TEP1: variants seen among roughly 807,000 people sequenced by gnomAD.
TEP1 encodes the protein telomerase associated protein 1, also known as telomerase protein component 1.
Under a neutral mutation model 306.3 loss-of-function variants are expected in TEP1, and 241 were observed. That is an observed-to-expected ratio of 0.79 (90% CI 0.71 to 0.88). TEP1 has a LOEUF of 0.88. Ranked by LOEUF, TEP1 falls within the 40% of genes least tolerant of loss-of-function variation. The pLI is 0.00. For missense variants in TEP1, 3,051 were observed against 3,276.1 expected (o/e 0.93, Z 1.68); for synonymous variants, 1,289 against 1,305.5 (o/e 0.99, Z 0.27).
intron 6 of TEP1, 105 bp downstream of exon 6, chr14:20,403,618 A>T (rs1878934456): frequency 1.3e-6 from 2 of 1,589,838 alleles, no homozygotes; most frequent in African/African-American, 1.3e-5. Flanking sequence ...CATTTCTCTG[A>T]CTCCCTTTGC....
chr14:20,377,453 A>G lies in TEP1; in HGVS notation c.5915T>C (p.Val1972Ala), dbSNP rs981048042. 15 of 1,614,026 alleles carry G rather than the reference A, an allele frequency of 9.3e-6. No individual in the cohort carries two copies. The Admixed American group carries it at 2.5e-4, about 27-fold the overall frequency. ...GGGGCTTAGCCAGGCCAGGGCGGAC[A>G]CTGCCACATCCAGTGCCTGACCCTG... ...GAQGQALDVA[V>A]SALAWLSPKV... The change falls in exon 41 of 55, where the codon GTG (valine) becomes GCG (alanine). Residue 1972 changes from valine (V) to alanine (A), a missense_variant. Transcript: ENST00000262715.
Position 20,373,771 on chromosome 14 carries a change from T to G in TEP1, c.6511A>C (p.Lys2171Gln), listed in dbSNP as rs1394351047. The change falls in exon 45 of 55, where the codon AAA (lysine) becomes CAA (glutamine). Residue 2171 changes from lysine to glutamine, a missense_variant. Physicochemically the swap from Lys to Gln is moderately conservative, Grantham distance 53 (BLOSUM62 1). Around this residue, in one of 3 missense-constraint regions of TEP1, gnomAD observed 1,540 missense variants for 1,705.9 expected, o/e 0.90. Transcript: ENST00000262715. Reference protein sequence around the residue: ...VVSVSRDGTLKVWDHQGVELT... With the variant: ...VVSVSRDGTLQVWDHQGVELT... Reference sequence around the variant, plus strand: ...TCCACGCCTTGATGGTCCCACACTTTCAAGGTCCCATCCCGGCTCACAGAC... The same window carrying G: ...TCCACGCCTTGATGGTCCCACACTTGCAAGGTCCCATCCCGGCTCACAGAC... The G allele has an allele frequency of 1.2e-6, 2 of 1,613,846 alleles. No homozygotes were observed. The highest frequency in any genetic ancestry group is 2.7e-5 in the African/African-American group (2 of 74,916).
Position 20,383,215 on chromosome 14 carries a change from G to C in TEP1, c.4006C>G (p.Leu1336Val). Residue 1336 changes from leucine to valine, a missense_variant, in exon 27 of 55, where the codon CTG becomes GTG. Leu to Val is a conservative substitution (Grantham distance 32). Coordinates refer to ENST00000262715, the MANE Select transcript of TEP1 (RefSeq NM_007110.5). ...GACTCCTCCAGCCGCTTCCCGTACAGGGCCAGCTCCTCTCTCACCAGCCGG... is the reference window on the plus strand; with the variant it reads ...GACTCCTCCAGCCGCTTCCCGTACACGGCCAGCTCCTCTCTCACCAGCCGG... ...RARLVREELALYGKRLEESPF... is the reference protein window; with the variant it reads ...RARLVREELAVYGKRLEESPF... The C allele has an allele frequency of 6.2e-7, 1 of 1,613,366 alleles. No homozygotes were observed. Among genetic ancestry groups the C allele is most frequent in the Non-Finnish European group, 8.5e-7 (1 of 1,179,752 alleles).
intron 14 of TEP1, 84 bp downstream of exon 14, chr14:20,390,854 G>A (rs872072): frequency 0.45 from 726,647 of 1,611,362 alleles, 170,397 homozygotes; most frequent in African/African-American, 0.8. Flanking sequence ...ACTGTGTATT[G>A]TCTGTGCCTT....
Position 20,378,075 on chromosome 14 carries a change from C to A in TEP1, c.5670G>T (p.Ala1890=), listed in dbSNP as rs748688616. The change falls in exon 39 of 55, where the codon GCG becomes GCT. Residue 1890 remains alanine (A), a synonymous_variant. Coordinates refer to ENST00000262715, the MANE Select transcript of TEP1 (RefSeq NM_007110.5). ...ACTGGCAACCCGCATGCAGGAAAAG[C>A]GCAGCAGCAACAAAGCCATGGTGGG... ...FPAHHGFVAA[A]LFLHAGCQLL... 6.2e-7 allele frequency: 1 copy of A among 1,613,840 alleles called. No homozygotes were observed. The highest frequency in any genetic ancestry group is 2.2e-5 in the East Asian group (1 of 44,882).
At chr14:20,411,904 G>A (rs1879706111) in intron 1 of TEP1, among the ~76,000 whole-genome samples, 1 of 151,688 alleles carries the variant, frequency 6.6e-6, no homozygotes, top group African/African-American at 2.4e-5. Flanking sequence ...CTTGAGGTCA[G>A]GAGTTCAAGA....
chr14:20,387,551 C>CAAAAAAAAAAAAAAAAAAAAAAAAAAAA (rs34816712), intron 18 of TEP1, among the ~76,000 whole-genome samples: 15 of 127,666 alleles, frequency 1.2e-4, no homozygotes, highest in Non-Finnish European at 2.2e-4. Context: ...GACTCCGTCT[C>CAAAAAAAAAAAAAAAAAAAAAAAAAAAA]AAAAAAAAAA....
At chr14:20,376,339 G>C in intron 41 of TEP1, 75 bp from the exon 42 acceptor site, 1 of 1,493,516 alleles carries the variant, frequency 6.7e-7, no homozygotes, top group Non-Finnish European at 9.1e-7. Context: ...CCAAAGACAG[G>C]AGCGGCCATG....
In TEP1 at chr14:20,373,531, G is replaced by T. The variant is rs550280804; in HGVS notation, c.6657C>A (p.Ala2219=). 6.2e-7 allele frequency: 1 copy of T among 1,614,226 alleles called. No homozygotes were observed. The highest frequency in any genetic ancestry group is 1.1e-5 in the South Asian group (1 of 91,088). Residue 2219 remains alanine, a synonymous_variant, in exon 46 of 55, where the codon GCC becomes GCA. Transcript: ENST00000262715. ...CCAAGAGTGGATGCCATAACCGTGTGGCCCCATCTAGCCCGACGGTTACCA... is the reference window on the plus strand; with the variant it reads ...CCAAGAGTGGATGCCATAACCGTGTTGCCCCATCTAGCCCGACGGTTACCA... The part of the protein sequence containing the change: ...LLVVTVGLDG[A]TRLWHPLLVC...
At chr14:20,368,650 AG>A in intron 54 of TEP1, 91 bp from the exon 55 acceptor site, 1 of 1,577,048 alleles carries the variant, frequency 6.3e-7, no homozygotes, top group Non-Finnish European at 8.7e-7. Flanking sequence ...ATTTAGAAAC[AG>A]GTTAGTCATA....
At position 20,408,002 on chromosome 14, in the gene TEP1, G is replaced by A. The variant is rs746534380; in HGVS notation, c.438C>T (p.Asn146=). The A allele has an allele frequency of 5.0e-6, 8 of 1,614,114 alleles. No individual in the cohort carries two copies. The African/African-American group carries it at 8.0e-5, about 16-fold the overall frequency. Residue 146 remains asparagine (N), a synonymous_variant, in exon 2 of 55, where the codon AAC becomes AAT. Transcript: ENST00000262715. ...GAGGCTCAGAGAGCAGGCAATTGCT[G>A]TTGTTCACACGGTACAAATCAGCTT... is the stretch of plus-strand genomic sequence containing the variant. ...MTQADLYRVN[N]SNCLLSEPPS... is the part of the protein sequence containing the mutation.
chr14:20,368,857 G>T lies in TEP1; in HGVS notation c.7702C>A (p.Leu2568Met), dbSNP rs1183044999. The T allele has an allele frequency of 6.2e-7, 1 of 1,613,796 alleles. No individual in the cohort carries two copies. Among genetic ancestry groups the T allele is most frequent in the Non-Finnish European group, 8.5e-7 (1 of 1,180,030 alleles). Residue 2568 changes from leucine (L) to methionine (M), a missense_variant, in exon 54 of 55, where the codon CTG (leucine) becomes ATG (methionine). Leu to Met is a conservative substitution (Grantham distance 15). Transcript: ENST00000262715. ...TCTCTGTCCTTCGAAGCTGTCACCA[G>T]CAACTCAGGTAGCACATGGAGGGCT... ...VTALHVLPEL[L>M]VTASKDRDVK...
At chr14:20,372,699 G>A (rs1884918190) in intron 49 of TEP1, 34 bp downstream of exon 49, 1 of 1,613,808 alleles carries the variant, frequency 6.2e-7, no homozygotes. Context: ...GGAGACTGCT[G>A]TTTCTATCCC....
intron 1 of TEP1, among the ~76,000 whole-genome samples, chr14:20,410,484 AC>A (rs1879564635): frequency 6.6e-6 from 1 of 151,758 alleles, no homozygotes; most frequent in East Asian, 1.9e-4. Flanking sequence ...GTGCAATGGC[AC>A]GATCTTGGCT....
In TEP1 at chr14:20,380,071, A is replaced by T; in HGVS notation, c.5004-18T>A. The T allele has an allele frequency of 6.2e-7, 1 of 1,606,822 alleles. No homozygotes were observed. The highest frequency in any genetic ancestry group is 2.2e-5 in the East Asian group (1 of 44,836). ...GGCTGGAGCTAGAGAAAGAGTAGGA[A>T]GAAAGGGAGGAAATAAACGAGAGAA... On this transcript the variant is annotated intron_variant, in intron 34 of 54. Transcript: ENST00000262715.
intron 1 of TEP1, among the ~76,000 whole-genome samples, chr14:20,410,020 C>CAAAAAAAAAAAAAAAAAAAAAAAAAA (rs570672845): frequency 3.4e-5 from 2 of 58,922 alleles, no homozygotes; most frequent in East Asian, 4.3e-4. Flanking sequence ...GACTCTGTCT[C>CAAAAAAAAAAAAAAAAAAAAAAAAAA]AAAAAAAAAA....
rs528397757 is a variant in TEP1 at position 20,380,531 on chromosome 14, G to A, written c.4763-56C>T. ...AGCCAGCTGGACCCCATTAGCCCCA[G>A]CACCAAATAAAACCATATGGTGTGT... On this transcript the variant is annotated intron_variant, in intron 33 of 54. Transcript: ENST00000262715. 12 of 1,557,232 alleles carry A rather than the reference G, an allele frequency of 7.7e-6. No homozygotes were observed. The Admixed American group carries it at 1.7e-4, about 22-fold the overall frequency.
intron 3 of TEP1, among the ~76,000 whole-genome samples, 157 bp from the exon 4 acceptor site, chr14:20,405,742 G>C (rs2139194491): frequency 6.6e-6 from 1 of 152,236 alleles, no homozygotes; most frequent in South Asian, 2.1e-4. Flanking sequence ...GGCCAGGCAT[G>C]GTGGCTCACA....
chr14:20,382,343 A>G lies in TEP1; in HGVS notation c.4154T>C (p.Leu1385Pro). 1 of 1,610,440 alleles carries G rather than the reference A, an allele frequency of 6.2e-7. No individual in the cohort carries two copies. The highest frequency in any genetic ancestry group is 8.5e-7 in the Non-Finnish European group (1 of 1,178,206). Residue 1385 changes from leucine (L) to proline (P), a missense_variant, in exon 29 of 55, where the codon CTC (leucine) becomes CCC (proline). Leu to Pro is a moderately conservative substitution (Grantham distance 98). Coordinates refer to ENST00000262715, the MANE Select transcript of TEP1 (RefSeq NM_007110.5). ...GGGGACAGTGGCAGGCAGGGTCCGGAGTCTCTCAGACACCTAGGATGGCGG... is the reference window on the plus strand; with the variant it reads ...GGGGACAGTGGCAGGCAGGGTCCGGGGTCTCTCAGACACCTAGGATGGCGG... Reference protein sequence around the residue: ...FTLYEQVSERLRTLPATVPLL... With the variant: ...FTLYEQVSERPRTLPATVPLL...
Sources: gnomAD v4.1 joint callset for allele counts (sites outside exome capture counted in the v4.1 genomes callset) on GRCh38, gnomAD v4.1.1 for gene constraint, gnomAD v4.1.1 regional missense constraint, MANE v1.5 for transcripts, NCBI Gene and HGNC (gene_info 2026-07-23, HGNC 2026-07-21) for gene names.